Variants in NREP observed in about 807,000 individuals in gnomAD.
NREP encodes neuronal regeneration-related protein.
NREP carries 5 observed loss-of-function variants against 8.6 expected under a neutral mutation model. The ratio of observed to expected loss-of-function variants is 0.58; its 90% CI spans 0.30 to 1.22. The LOEUF (loss-of-function observed/expected upper bound fraction) is 1.22. Among genes scored for constraint, NREP ranks in the 50% most tolerant of loss-of-function variants. The pLI, the probability that NREP is intolerant of heterozygous loss-of-function variation, is 0.07. For missense variants in NREP, 86 were observed against 82.5 expected, an observed-to-expected ratio of 1.04 and a Z score of -0.17; for synonymous variants, 27 against 28.0, an observed-to-expected ratio of 0.96 and a Z score of 0.11.
chr5:111,801,709 T>C (rs1458266407), intron 2 of NREP, among the ~76,000 whole-genome samples: 1 of 152,228 alleles, frequency 6.6e-6, no homozygotes, highest in Non-Finnish European at 1.5e-5. Flanking sequence ...AGGTTAAATA[T>C]GCTTATATGT....
intron 2 of NREP, among the ~76,000 whole-genome samples, chr5:111,888,970 T>C (rs1754327760): frequency 1.3e-5 from 2 of 152,128 alleles, no homozygotes; most frequent in African/African-American, 2.4e-5. Context: ...AGACAGAAAA[T>C]GAAATGATGT....
intron 2 of NREP, among the ~76,000 whole-genome samples, chr5:111,929,886 G>T (rs184627598): frequency 5.3e-5 from 8 of 152,264 alleles, no homozygotes; most frequent in Admixed American, 5.2e-4. Flanking sequence ...AAATTCCTCT[G>T]GGTTAAGCAA....
intron 2 of NREP, among the ~76,000 whole-genome samples, chr5:111,963,317 T>C (rs1020917376): frequency 2.6e-5 from 4 of 152,232 alleles, no homozygotes; most frequent in Non-Finnish European, 2.9e-5. Flanking sequence ...GGCACCCCCA[T>C]TGCAAGTCCA....
intron 2 of NREP, among the ~76,000 whole-genome samples, chr5:111,768,789 G>A (rs953655780): frequency 1.3e-5 from 2 of 152,258 alleles, no homozygotes; most frequent in East Asian, 1.9e-4. Flanking sequence ...TTGAGTCCAC[G>A]TCTTTCTACT....
intron 2 of NREP, among the ~76,000 whole-genome samples, chr5:111,795,370 G>C (rs1253364320): frequency 1.3e-5 from 2 of 152,192 alleles, no homozygotes; most frequent in African/African-American, 2.4e-5. Context: ...CTGCAAAGCA[G>C]AATGTAGTGG....
upstream of NREP, among the ~76,000 whole-genome samples, chr5:111,762,553 T>G (rs188574763): frequency 6.6e-6 from 1 of 151,716 alleles, no homozygotes; most frequent in East Asian, 1.9e-4. Flanking sequence ...ATAATTAAGG[T>G]AAAATGAGGT....
intron 2 of NREP, among the ~76,000 whole-genome samples, chr5:111,876,425 A>AAAGCCTGGGT (rs1358887444): frequency 6.6e-6 from 1 of 152,166 alleles, no homozygotes; most frequent in African/African-American, 2.4e-5. Context: ...AGAAAAGAAT[A>AAAGCCTGGGT]AAGCCTGGGT....
intron 3 of NREP, chr5:111,732,088 CTTTTT>C (rs58928357): frequency 6.8e-6 from 1 of 147,478 alleles, no homozygotes; most frequent in African/African-American, 2.5e-5. Context: ...AACATGTGGG[CTTTTT>C]TTTTTGTTGC....
intron 2 of NREP, among the ~76,000 whole-genome samples, chr5:111,905,265 CTG>C (rs749791644): frequency 2.6e-5 from 4 of 152,130 alleles, no homozygotes; most frequent in South Asian, 2.1e-4. Flanking sequence ...CGTGGTAAGA[CTG>C]TGTTTAACAT....
intron 2 of NREP, among the ~76,000 whole-genome samples, chr5:111,783,346 A>G (rs1012621696): frequency 6.6e-6 from 1 of 152,210 alleles, no homozygotes; most frequent in African/African-American, 2.4e-5. Flanking sequence ...AATCTTCCTA[A>G]GATTACCTAG....
At chr5:111,975,110 G>C (rs879660641) in intron 2 of NREP, among the ~76,000 whole-genome samples, 1 of 152,208 alleles carries the variant, frequency 6.6e-6, no homozygotes, top group Non-Finnish European at 1.5e-5. Flanking sequence ...ACACAAATGG[G>C]GTTTAGGAAA....
At chr5:111,801,978 C>T (rs1382342148) in intron 2 of NREP, among the ~76,000 whole-genome samples, 1 of 152,136 alleles carries the variant, frequency 6.6e-6, no homozygotes, top group African/African-American at 2.4e-5. Flanking sequence ...CAGCTCTGAT[C>T]CCTGGTGGAG....
intron 2 of NREP, among the ~76,000 whole-genome samples, chr5:111,821,588 C>A (rs879321936): frequency 6.6e-6 from 1 of 152,040 alleles, no homozygotes; most frequent in Non-Finnish European, 1.5e-5. Flanking sequence ...AATTTCTTGA[C>A]CAAAAAAATG....
At chr5:111,879,184 C>T (rs572696430) in intron 2 of NREP, among the ~76,000 whole-genome samples, 6 of 152,206 alleles carry the variant, frequency 3.9e-5, no homozygotes, top group African/African-American at 7.2e-5. Context: ...CTGGCTCCCC[C>T]CTTTTGCCTA....
At chr5:111,932,704 T>C (rs1755575187) in intron 2 of NREP, among the ~76,000 whole-genome samples, 1 of 152,112 alleles carries the variant, frequency 6.6e-6, no homozygotes, top group Non-Finnish European at 1.5e-5. Context: ...TTCTTAAATA[T>C]TGATATCTGG....
intron 2 of NREP, among the ~76,000 whole-genome samples, chr5:111,925,930 G>A (rs1755370981): frequency 6.6e-6 from 1 of 151,876 alleles, no homozygotes; most frequent in South Asian, 2.1e-4. Context: ...TTCTTTTTTG[G>A]TCTGCTATAA....
chr5:111,773,782 T>G (rs1483852691), intron 2 of NREP, among the ~76,000 whole-genome samples: 1 of 152,136 alleles, frequency 6.6e-6, no homozygotes, highest in Non-Finnish European at 1.5e-5. Flanking sequence ...CTTTCTTATT[T>G]TTTGAAAAAC....
At chr5:111,899,344 T>A (rs911539383) in intron 2 of NREP, among the ~76,000 whole-genome samples, 3 of 152,108 alleles carry the variant, frequency 2.0e-5, no homozygotes, top group Non-Finnish European at 2.9e-5. Context: ...AAGGATCCCA[T>A]CTCTACAGAA....
intron 2 of NREP, among the ~76,000 whole-genome samples, chr5:111,888,994 C>G (rs1754328928): frequency 6.6e-6 from 1 of 152,168 alleles, no homozygotes; most frequent in African/African-American, 2.4e-5. Context: ...TGGTCTATGT[C>G]ACAGCAATCA....
Sources: allele counts gnomAD v4.1 joint callset (sites outside exome capture counted in the v4.1 genomes callset), GRCh38; gene constraint gnomAD v4.1.1; transcripts MANE v1.5; gene names NCBI Gene and HGNC (gene_info 2026-07-23, HGNC 2026-07-21).